RERGL: variants seen among roughly 807,000 people sequenced by gnomAD.
The protein encoded by RERGL is RERG like, also known as ras-related and estrogen-regulated growth inhibitor-like protein.
A neutral mutation model predicts 24.7 loss-of-function variants in RERGL; 22 were observed. The observed-to-expected ratio is 0.89, with a 90% CI of 0.64 to 1.27. The LOEUF is 1.27. RERGL is among the 50% of genes most tolerant of loss of function. The probability of loss-of-function intolerance (pLI) is 0.00; values close to 1 mark genes in which losing one functional copy is unlikely to be tolerated. For missense variants in RERGL, 259 were observed against 235.3 expected (o/e 1.10, Z -0.66); for synonymous variants, 76 against 82.6 (o/e 0.92, Z 0.43).
At chr12:18,088,786 T>A in intron 2 of RERGL, 114 bp downstream of exon 2, 7 of 743,636 alleles carry the variant, frequency 9.4e-6, no homozygotes, top group South Asian at 9.2e-5. Flanking sequence ...ATAAATAAAT[T>A]GTTTCATATG....
chr12:18,088,757 T>C (rs1947242669), intron 2 of RERGL, 143 bp downstream of exon 2: 1 of 664,480 alleles, frequency 1.5e-6, no homozygotes, highest in Non-Finnish European at 2.7e-6. Context: ...ATTTTGGCAG[T>C]TCTAATCAGA....
chr12:18,089,352 C>T lies in RERGL; in HGVS notation c.53-396G>A, dbSNP rs1438171695. 1.9e-5 allele frequency: 28 copies of T among 1,460,894 alleles called. No homozygotes were observed. In the Admixed American group the frequency reaches 7.5e-4, roughly 39 times the overall value. The allele number at this position is 1,460,894 out of a possible 1,614,324, so 90.5% of individuals were successfully genotyped here. On this transcript the variant is annotated intron_variant, in intron 1 of 4. Transcript: ENST00000538724. The stretch of plus-strand genomic sequence containing the variant: ...ATGTGTAATAGTCACAAAGACACTA[C>T]CAAGTATTTGCAGTTATTTAAGGAT...
chr12:18,087,549 T>C (rs1318156939), intron 2 of RERGL, among the ~76,000 whole-genome samples: 1 of 152,192 alleles, frequency 6.6e-6, no homozygotes, highest in African/African-American at 2.4e-5. Flanking sequence ...AGTGGAGTCA[T>C]TTTTGCTAGT....
intron 1 of RERGL, 30 bp from the exon 2 acceptor site, chr12:18,088,986 T>C (rs1243921499): frequency 6.4e-7 from 1 of 1,569,176 alleles, no homozygotes; most frequent in Non-Finnish European, 8.8e-7. Flanking sequence ...GATTTAGGGC[T>C]GTTATATTTT....
Position 18,084,563 on chromosome 12 carries a change from C to T in RERGL, c.286G>A (p.Ala96Thr). The T allele has an allele frequency of 6.2e-7, 1 of 1,612,130 alleles. No homozygotes were observed. Among genetic ancestry groups the T allele is most frequent in the Non-Finnish European group, 8.5e-7 (1 of 1,179,206 alleles). ...GGCTCCCGGATTCTGTAGATCAGCGCTTTTGCAAAAGCAAATGAAGACCTA... is the reference window on the plus strand; with the variant it reads ...GGCTCCCGGATTCTGTAGATCAGCGTTTTTGCAAAAGCAAATGAAGACCTA... Reference protein sequence around the residue: ...SDRSSFAFAKALIYRIREPQT... With the variant: ...SDRSSFAFAKTLIYRIREPQT... The change falls in exon 4 of 5, where the codon GCG (alanine) becomes ACG (threonine). Residue 96 changes from alanine to threonine, a missense_variant. Transcript: ENST00000538724.
At position 18,084,655 on chromosome 12, in the gene RERGL, GCTTT is replaced by G; in HGVS notation, c.190_193del (p.Lys64GlnfsTer33). On this transcript the variant is annotated frameshift_variant, in exon 4 of 5. Transcript: ENST00000538724. LOFTEE classifies it high-confidence loss of function. The stretch of plus-strand genomic sequence containing the variant: ...AAGCTCACTTGTGAGGGAGAATTTT[GCTTT>G]CTGTGTCTGAAAATAAACCAAGTGC... 7 of 1,608,190 alleles carry G rather than the reference GCTTT, an allele frequency of 4.4e-6. No individual in the cohort carries two copies. Among genetic ancestry groups the G allele is most frequent in the Non-Finnish European group, 5.9e-6 (7 of 1,178,052 alleles).
At position 18,081,418 on chromosome 12, in the gene RERGL, G is replaced by T. The variant is rs73063263; in HGVS notation, c.388C>A (p.Arg130=). ...TGCCCTTCTTCCCAGCCAACCTCTC[G>T]CACATGACAAAGATCTCGTTTGTTG... ...VGNKRDLCHV[R]EVGWEEGQKL... Residue 130 remains arginine (R), a synonymous_variant, in exon 5 of 5, where the codon CGA becomes AGA. Transcript: ENST00000538724. 6.2e-7 allele frequency: 1 copy of T among 1,612,930 alleles called. No individual in the cohort carries two copies. Among genetic ancestry groups the T allele is most frequent in the Admixed American group, 1.7e-5 (1 of 59,872 alleles).
In RERGL at chr12:18,081,489, A is replaced by G. The variant is rs768458145; in HGVS notation, c.333-16T>C. The G allele has an allele frequency of 6.7e-7, 1 of 1,503,716 alleles. No individual in the cohort carries two copies. Among genetic ancestry groups the G allele is most frequent in the South Asian group, 1.4e-5 (1 of 72,214 alleles). 93.1% of individuals were successfully genotyped at this position (1,503,716 alleles called of 1,614,324 possible). On this transcript the variant is annotated splice_polypyrimidine_tract_variant and intron_variant, in intron 4 of 4. Transcript: ENST00000538724. ...TTCCACAGCTCTGAAATAGAGATAC[A>G]CAATTTTTAGCAAGATTGTTTTAAC...
At chr12:18,082,577 A>G (rs1322525481) in intron 4 of RERGL, among the ~76,000 whole-genome samples, 2 of 152,218 alleles carry the variant, frequency 1.3e-5, no homozygotes, top group Non-Finnish European at 2.9e-5. Context: ...AATGATGTAC[A>G]TAAAAATACC....
At chr12:18,088,354 A>C (rs1431612539) in intron 2 of RERGL, among the ~76,000 whole-genome samples, 1 of 152,062 alleles carries the variant, frequency 6.6e-6, no homozygotes, top group Non-Finnish European at 1.5e-5. Context: ...AAATTTATAG[A>C]AGAGTTCGAG....
chr12:18,089,401 A>C (rs192723713), intron 1 of RERGL: 1,018 of 1,348,138 alleles, frequency 7.6e-4, no homozygotes, highest in South Asian at 1.2e-3. Context: ...AATCCAGGAA[A>C]TAGAAAAAGA....
rs1565488268 is a variant in RERGL at position 18,090,131 on chromosome 12, C to A, written c.10G>T (p.Val4Leu). Residue 4 changes from valine to leucine, a missense_variant, in exon 1 of 5, where the codon GTG becomes TTG. Val to Leu is a conservative substitution (Grantham distance 32). Coordinates refer to ENST00000538724, the MANE Select transcript of RERGL (RefSeq NM_001286201.2). ...TCACCACCCAAGACAGCAAGCTTCACATCATTCATCTTGCTTTTCTGCTTC... is the reference window on the plus strand; with the variant it reads ...TCACCACCCAAGACAGCAAGCTTCAAATCATTCATCTTGCTTTTCTGCTTC... The part of the protein sequence containing the change: MND[V>L]KLAVLGGEGT... 1 of 1,532,542 alleles carries A rather than the reference C, an allele frequency of 6.5e-7. No individual in the cohort carries two copies. The highest frequency in any genetic ancestry group is 2.5e-5 in the East Asian group (1 of 40,696). The allele number at this position is 1,532,542 out of a possible 1,614,324, so 94.9% of individuals were successfully genotyped here.
chr12:18,082,673 T>C (rs989654032), intron 4 of RERGL, among the ~76,000 whole-genome samples: 2 of 152,162 alleles, frequency 1.3e-5, no homozygotes, highest in African/African-American at 4.8e-5. Context: ...CTAGCAAATG[T>C]CTCTTTACTT....
chr12:18,089,721 G>C (rs1947252526), intron 1 of RERGL, among the ~76,000 whole-genome samples: 1 of 152,058 alleles, frequency 6.6e-6, no homozygotes, highest in African/African-American at 2.4e-5. Context: ...TTCTATCAAG[G>C]CCATTGTTTG....
intron 3 of RERGL, 55 bp downstream of exon 3, chr12:18,085,565 G>T: frequency 1.7e-6 from 2 of 1,207,280 alleles, no homozygotes; most frequent in Non-Finnish European, 2.4e-6. Context: ...AATCATAATT[G>T]CTAAAAAATC....
intron 4 of RERGL, among the ~76,000 whole-genome samples, chr12:18,083,918 T>G (rs910633834): frequency 6.6e-6 from 1 of 152,172 alleles, no homozygotes; most frequent in African/African-American, 2.4e-5. Context: ...ATGCTTAAAC[T>G]TTGATCTACT....
chr12:18,087,873 G>T (rs11831986), intron 2 of RERGL, among the ~76,000 whole-genome samples: 2 of 151,844 alleles, frequency 1.3e-5, no homozygotes, highest in African/African-American at 2.4e-5. Flanking sequence ...TTCTTTTTAC[G>T]TTTTCAACTT....
chr12:18,082,041 G>A (rs1000907824), intron 4 of RERGL, among the ~76,000 whole-genome samples: 30 of 151,826 alleles, frequency 2.0e-4, no homozygotes, highest in African/African-American at 7.0e-4. Context: ...TCAGGAGGCT[G>A]AGGCAGGAGA....
Position 18,088,903 on chromosome 12 carries a change from A to C in RERGL, c.106T>G (p.Phe36Val). Residue 36 changes from phenylalanine to valine, a missense_variant, in exon 2 of 5, where the codon TTT becomes GTT. Coordinates refer to ENST00000538724, the MANE Select transcript of RERGL (RefSeq NM_001286201.2). ...AATGTCTAGAGTAGTGACTTACCAAAATTAGAAGCATATTCTCCAATGAAT... is the reference window on the plus strand; with the variant it reads ...AATGTCTAGAGTAGTGACTTACCAACATTAGAAGCATATTCTCCAATGAAT... ...KRFIGEYASN[F>V]ESIYKKHLCL... 1 of 1,600,182 alleles carries C rather than the reference A, an allele frequency of 6.2e-7. No homozygotes were observed. The highest frequency in any genetic ancestry group is 1.7e-4 in the Middle Eastern group (1 of 6,028).
Sources: allele counts gnomAD v4.1 joint callset (sites outside exome capture counted in the v4.1 genomes callset), GRCh38; gene constraint gnomAD v4.1.1; transcripts MANE v1.5; gene names NCBI Gene and HGNC (gene_info 2026-07-23, HGNC 2026-07-21).